Variants in PCDHGB7 observed in about 807,000 individuals in gnomAD.
The protein encoded by PCDHGB7 is protocadherin gamma-B7.
Under a neutral mutation model 61.4 loss-of-function variants are expected in PCDHGB7, and 37 were observed. The observed-to-expected ratio is 0.60, with a 90% CI of 0.46 to 0.79. The LOEUF is 0.79. Ranked by LOEUF, PCDHGB7 falls within the 30% of genes least tolerant of loss-of-function variation. The probability of loss-of-function intolerance (pLI) is 0.00; values close to 1 mark genes in which losing one functional copy is unlikely to be tolerated. For missense variants in PCDHGB7, 1,166 were observed against 1,202.5 expected, an observed-to-expected ratio of 0.97 and a Z score of 0.45; for synonymous variants, 464 against 503.5, an observed-to-expected ratio of 0.92 and a Z score of 1.05.
chr5:141,481,736 G>A (rs569415213), intron 1 of PCDHGB7, among the ~76,000 whole-genome samples: 23 of 151,934 alleles, frequency 1.5e-4, no homozygotes, highest in African/African-American at 4.3e-4. Flanking sequence ...GGCGGATCAC[G>A]AGGTCAGGAG....
chr5:141,505,705 GAA>G (rs1250788277), intron 3 of PCDHGB7, among the ~76,000 whole-genome samples: 1 of 152,198 alleles, frequency 6.6e-6, no homozygotes, highest in Non-Finnish European at 1.5e-5. Flanking sequence ...AGCGAACAAG[GAA>G]AAGACTCATG....
chr5:141,448,955 A>G (rs929888928), intron 1 of PCDHGB7, among the ~76,000 whole-genome samples: 1 of 152,174 alleles, frequency 6.6e-6, no homozygotes. Flanking sequence ...AAAAAAACAA[A>G]CAAACAAACA....
At position 141,431,035 on chromosome 5, in the gene PCDHGB7, G is replaced by C; in HGVS notation, c.2415+10761G>C. The C allele has an allele frequency of 6.2e-7, 1 of 1,614,186 alleles. No individual in the cohort carries two copies. Among genetic ancestry groups the C allele is most frequent in the South Asian group, 1.1e-5 (1 of 91,086 alleles). ...TGGTCACGGCGGGCAGGATAGACCG[G>C]GAGGAGCTCTGTATGGGGGCCATCA... On this transcript the variant is annotated intron_variant, in intron 1 of 3. Transcript: ENST00000398594. The surrounding 1 kb of genome is among the most constrained non-coding windows in gnomAD (Gnocchi z 4.8).
Position 141,418,952 on chromosome 5 carries a change from G to T in PCDHGB7, c.1093G>T (p.Val365Phe). The change falls in exon 1 of 4, where the codon GTT becomes TTT. Residue 365 changes from valine to phenylalanine, a missense_variant. Physicochemically the swap from Val to Phe is conservative, Grantham distance 50. Transcript: ENST00000398594. ...QIMEDSPPGV[V>F]VALFKTRDQD... is the part of the protein sequence containing the mutation. ...TATGGAGGATTCCCCTCCAGGAGTGGTTGTTGCCCTCTTCAAAACACGGGA... is the reference window on the plus strand; with the variant it reads ...TATGGAGGATTCCCCTCCAGGAGTGTTTGTTGCCCTCTTCAAAACACGGGA... 3 of 1,614,050 alleles carry T rather than the reference G, an allele frequency of 1.9e-6. No homozygotes were observed. Among genetic ancestry groups the T allele is most frequent in the Non-Finnish European group, 2.5e-6 (3 of 1,179,900 alleles).
In PCDHGB7 at chr5:141,476,877, T is replaced by C. The variant is rs2099400648; in HGVS notation, c.2416-17930T>C. ...CAGTCCTTGTACCGGGCGCGCGTCC[T>C]GGAGGATGCACCCTCCGGCACGCGC... On this transcript the variant is annotated intron_variant, in intron 1 of 3. Transcript: ENST00000398594. This position sits in a 1 kb window ranked among gnomAD's most constrained non-coding sequence, Gnocchi z 7.6. 4.3e-6 allele frequency: 7 copies of C among 1,613,954 alleles called. No homozygotes were observed. The highest frequency in any genetic ancestry group is 5.9e-6 in the Non-Finnish European group (7 of 1,180,038).
intron 1 of PCDHGB7, among the ~76,000 whole-genome samples, chr5:141,484,184 AG>A (rs1328674334): frequency 6.6e-6 from 1 of 152,244 alleles, no homozygotes; most frequent in Non-Finnish European, 1.5e-5. Flanking sequence ...CAATCATTCA[AG>A]GAAGCTATTA....
intron 1 of PCDHGB7, chr5:141,421,801 A>G (rs754191783): frequency 6.2e-7 from 1 of 1,613,858 alleles, no homozygotes; most frequent in Middle Eastern, 1.6e-4. Flanking sequence ...TGGGGCCAAG[A>G]ATCCAGAGCT....
At chr5:141,423,084 G>C (rs1427825232) in intron 1 of PCDHGB7, 2 of 1,613,942 alleles carry the variant, frequency 1.2e-6, no homozygotes, top group Non-Finnish European at 1.7e-6. Flanking sequence ...GACTCTTCGC[G>C]GTGGGGGAGC....
At chr5:141,499,057 A>G (rs1361057448) in intron 2 of PCDHGB7, among the ~76,000 whole-genome samples, 1 of 152,036 alleles carries the variant, frequency 6.6e-6, no homozygotes, top group Non-Finnish European at 1.5e-5. Flanking sequence ...GAAAAAATGA[A>G]GAAGACTTAC....
At position 141,512,574 on chromosome 5, in the gene PCDHGB7, C is replaced by T. The variant is rs1429371202; in HGVS notation, c.*1401C>T. 6.5e-6 allele frequency: 1 copy of T among 152,884 alleles called. No homozygotes were observed. Among genetic ancestry groups the T allele is most frequent in the Non-Finnish European group, 1.5e-5 (1 of 68,502 alleles). The allele number at this position is 152,884 out of a possible 1,614,324, so 9.5% of individuals were successfully genotyped here. On this transcript the variant is annotated 3_prime_UTR_variant, in exon 4 of 4. Coordinates refer to ENST00000398594, the MANE Select transcript of PCDHGB7 (RefSeq NM_018927.4). ...GTGCATAGACCTTCTTCTCCCACCCCCTTCTGCCCCTGGGTCCCCGGCCAT... is the reference window on the plus strand; with the variant it reads ...GTGCATAGACCTTCTTCTCCCACCCTCTTCTGCCCCTGGGTCCCCGGCCAT...
intron 1 of PCDHGB7, among the ~76,000 whole-genome samples, chr5:141,433,641 G>A (rs1177387884): frequency 6.6e-6 from 1 of 152,104 alleles, no homozygotes; most frequent in Non-Finnish European, 1.5e-5. Flanking sequence ...TTTGAGACCA[G>A]CCTGACCAAC....
chr5:141,433,283 T>A, intron 1 of PCDHGB7: 1 of 1,183,074 alleles, frequency 8.5e-7, no homozygotes, highest in Non-Finnish European at 1.2e-6. Flanking sequence ...AGCCTCAAAC[T>A]CCTAGGCTCA....
At chr5:141,427,869 AC>A in intron 1 of PCDHGB7, 1 of 1,559,604 alleles carries the variant, frequency 6.4e-7, no homozygotes, top group Non-Finnish European at 8.8e-7. Context: ...CTTCGAGCTC[AC>A]GATGCAGGCC....
intron 1 of PCDHGB7, among the ~76,000 whole-genome samples, chr5:141,482,089 C>CAA (rs36035257): frequency 1.0e-3 from 137 of 134,516 alleles, no homozygotes; most frequent in African/African-American, 1.5e-3. Context: ...CACTCCATCT[C>CAA]AAAAAAAAAA....
intron 3 of PCDHGB7, among the ~76,000 whole-genome samples, chr5:141,510,204 C>T (rs1403130911): frequency 1.3e-5 from 2 of 150,304 alleles, no homozygotes; most frequent in Admixed American, 1.3e-4. Flanking sequence ...GCCCAGGAGG[C>T]AGAGGTTGCA....
Position 141,422,492 on chromosome 5 carries a change from C to T in PCDHGB7, c.2415+2218C>T, listed in dbSNP as rs747903569. 2.5e-6 allele frequency: 4 copies of T among 1,613,934 alleles called. No homozygotes were observed. The East Asian group carries it at 6.7e-5, about 27-fold the overall frequency. ...GAGTTGGTCCAGAGCTACAATATAA[C>T]GTTGACAGCCACAGACCAGGGAAGC... On this transcript the variant is annotated intron_variant, in intron 1 of 3. Coordinates refer to ENST00000398594, the MANE Select transcript of PCDHGB7 (RefSeq NM_018927.4).
At position 141,486,254 on chromosome 5, in the gene PCDHGB7, G is replaced by A. The variant is rs2099626723; in HGVS notation, c.2416-8553G>A. ...GACCTCAGAGCTTGGAACCCTCCCCGAGAGTGCAGAACCTGGCACTGTGGT... is the reference window on the plus strand; with the variant it reads ...GACCTCAGAGCTTGGAACCCTCCCCAAGAGTGCAGAACCTGGCACTGTGGT... On this transcript the variant is annotated intron_variant, in intron 1 of 3. Transcript: ENST00000398594. This position sits in a 1 kb window ranked among gnomAD's most constrained non-coding sequence, Gnocchi z 5.0. The A allele has an allele frequency of 1.2e-6, 2 of 1,613,992 alleles. No individual in the cohort carries two copies. Among genetic ancestry groups the A allele is most frequent in the Non-Finnish European group, 1.7e-6 (2 of 1,179,982 alleles).
In PCDHGB7 at chr5:141,476,529, A is replaced by G. The variant is rs752442904; in HGVS notation, c.2416-18278A>G. On this transcript the variant is annotated intron_variant, in intron 1 of 3. Coordinates refer to ENST00000398594, the MANE Select transcript of PCDHGB7 (RefSeq NM_018927.4). The surrounding 1 kb of genome is among the most constrained non-coding windows in gnomAD (Gnocchi z 7.6). ...GACAACAATCCTGCTTTCCCTACCCAGGAAATGAAATTGGAGATTAGCGAG... is the reference window on the plus strand; with the variant it reads ...GACAACAATCCTGCTTTCCCTACCCGGGAAATGAAATTGGAGATTAGCGAG... 2.8e-5 allele frequency: 46 copies of G among 1,614,198 alleles called. No individual in the cohort carries two copies. Among genetic ancestry groups the G allele is most frequent in the Non-Finnish European group, 3.8e-5 (45 of 1,180,044 alleles).
intron 1 of PCDHGB7, among the ~76,000 whole-genome samples, chr5:141,464,402 G>T (rs900750443): frequency 6.6e-6 from 1 of 150,722 alleles, no homozygotes; most frequent in African/African-American, 2.4e-5. Context: ...AAGAACCTGA[G>T]ATATATATAT....
Sources: gnomAD v4.1 joint callset for allele counts (sites outside exome capture counted in the v4.1 genomes callset) on GRCh38, gnomAD v4.1.1 for gene constraint, Gnocchi (gnomAD v3.1) non-coding constraint, MANE v1.5 for transcripts, NCBI Gene and HGNC (gene_info 2026-07-23, HGNC 2026-07-21) for gene names.